The following HLA-DRB1 variants were observed in gnomAD, a reference collection of about 807,000 sequenced individuals.
HLA-DRB1 encodes major histocompatibility complex, class II, DR beta 1, also known as major histocompatibility complex, class II, DR beta 1 precursor.
Under a neutral mutation model 27.9 loss-of-function variants are expected in HLA-DRB1, and 10 were observed. The ratio of observed to expected loss-of-function variants is 0.36; its 90% confidence interval spans 0.22 to 0.61. HLA-DRB1 has a LOEUF of 0.61. Among genes scored for constraint, HLA-DRB1 ranks in the 20% least tolerant of loss-of-function variants. The pLI, the probability that HLA-DRB1 is intolerant of heterozygous loss-of-function variation, is 0.73. For synonymous variants in HLA-DRB1, 57 were observed against 126.7 expected, an observed-to-expected ratio of 0.45 and a Z score of 3.69; for missense variants, 118 against 306.3, an observed-to-expected ratio of 0.39 and a Z score of 4.59.
In HLA-DRB1 at chr6:32,581,307, AC is replaced by A. The variant is rs1775440827; in HGVS notation, c.652+249del. Among the ~76,000 whole-genome samples the A allele has an allele frequency of 2.5e-5, 2 of 81,138 alleles. 1 individual carries two copies. Among genetic ancestry groups the A allele is most frequent in the Non-Finnish European group, 5.1e-5 (2 of 39,510 alleles). The allele number at this position is 81,138 out of a possible 152,430, so 53.2% of individuals were successfully genotyped here. On this transcript the variant is annotated intron_variant, in intron 3 of 5. Coordinates refer to ENST00000360004, the Ensembl canonical transcript of HLA-DRB1. The stretch of plus-strand genomic sequence containing the variant: ...GAGCCTGGGAGAGTGGGTGACCCTG[AC>A]CTGCAAAATCATGGGGAGGTTCAAA...
At chr6:32,583,859 C>T (rs36061251) in intron 2 of HLA-DRB1, among the ~76,000 whole-genome samples, 2,622 of 37,698 alleles carry the variant, frequency 0.07, 126 homozygotes, top group East Asian at 0.11. Flanking sequence ...CCCCTCCTGC[C>T]TCCCCTCCCA....
At chr6:32,581,103 C>T (rs371129656) in intron 3 of HLA-DRB1, among the ~76,000 whole-genome samples, 988 of 88,692 alleles carry the variant, frequency 0.011, 80 homozygotes, top group South Asian at 0.034. Context: ...CACAGAAAGC[C>T]TGAGACTCAA....
At position 32,581,760 on chromosome 6, in the gene HLA-DRB1, C is replaced by A; in HGVS notation, c.449G>T (p.Gly150Val). The change falls in exon 3 of 6, where the codon GGT becomes GTT. Residue 150 changes from glycine to valine, a missense_variant. Around this residue, in one of 5 missense-constraint regions of HLA-DRB1, gnomAD observed 24 missense variants for 114.5 expected, o/e 0.21. Coordinates refer to ENST00000360004, the Ensembl canonical transcript of HLA-DRB1. ...GACTTCAATGCTGCCTGGATAGAAACCACTCACAGAGCAGACCAGGAGGTT... is the reference window on the plus strand; with the variant it reads ...GACTTCAATGCTGCCTGGATAGAAAACACTCACAGAGCAGACCAGGAGGTT... 1.3e-6 allele frequency: 2 copies of A among 1,553,260 alleles called. 1 individual carries two copies. The highest frequency in any genetic ancestry group is 4.6e-5 in the East Asian group (2 of 43,154).
At chr6:32,580,929 AGCTTTGAAAATGGGGCAGAAAGCTG>A in intron 3 of HLA-DRB1, 73 bp from the exon 4 acceptor site, 1 of 1,081,212 alleles carries the variant, frequency 9.2e-7, no homozygotes, top group Non-Finnish European at 1.3e-6. Context: ...TAAGATTTAG[AGCTTTGAAAATGGGGCAGAAAGCTG>A]CCTCACAAGA....
intron 2 of HLA-DRB1, among the ~76,000 whole-genome samples, chr6:32,582,089 C>G (rs9269827): frequency 0.61 from 54,194 of 88,310 alleles, 19,543 homozygotes; most frequent in Middle Eastern, 0.74. Context: ...CATTGTCAAA[C>G]TGTTTACAAA....
Position 32,581,244 on chromosome 6 carries a change from C to T in HLA-DRB1, c.652+313G>A, listed in dbSNP as rs34381658. Among the ~76,000 whole-genome samples, 833 of 85,896 alleles carry T rather than the reference C, an allele frequency of 9.7e-3. 1 individual carries two copies. The highest frequency in any genetic ancestry group is 0.017 in the Admixed American group (112 of 6,518). The allele number at this position is 85,896 out of a possible 152,430, so 56.4% of individuals were successfully genotyped here. On this transcript the variant is annotated intron_variant, in intron 3 of 5. Transcript: ENST00000360004. ...CACAAAAAATAACTCAGAGCAACAG[C>T]ACCAGAAACTCAGTCTCAGACCCAG...
At chr6:32,586,213 T>G (rs1254010252) in intron 1 of HLA-DRB1, among the ~76,000 whole-genome samples, 1 of 79,506 alleles carries the variant, frequency 1.3e-5, no homozygotes, top group African/African-American at 4.6e-5. Flanking sequence ...AGCCTTTTCC[T>G]TTAGGTTCAG....
intron 2 of HLA-DRB1, among the ~76,000 whole-genome samples, chr6:32,582,690 T>A (rs41293549): frequency 1.3e-5 from 1 of 78,216 alleles, no homozygotes; most frequent in African/African-American, 5.4e-5. Flanking sequence ...TATTTACATT[T>A]AGCTGATCAA....
Position 32,588,562 on chromosome 6 carries a change from T to TG in HLA-DRB1, c.100+1080dup, listed in dbSNP as rs41288212. Among the ~76,000 whole-genome samples the TG allele has an allele frequency of 2.8e-3, 150 of 53,178 alleles. 2 individuals are homozygous for TG. Among genetic ancestry groups the TG allele is most frequent in the Middle Eastern group, 0.016 (1 of 64 alleles). The allele number at this position is 53,178 out of a possible 152,430, so 34.9% of individuals were successfully genotyped here. A position where few individuals can be genotyped will look rare whatever the true frequency, so the allele number is the denominator to read the frequency against. On this transcript the variant is annotated intron_variant, in intron 1 of 5. Transcript: ENST00000360004. ...AACATAGCTGGGGAAAAATAGAAAC[T>TG]GGAGGAAGAGGTAAGCAGACATGGC...
intron 1 of HLA-DRB1, among the ~76,000 whole-genome samples, chr6:32,585,925 C>G (rs1776316590): frequency 8.2e-6 from 1 of 122,350 alleles, no homozygotes; most frequent in African/African-American, 3.1e-5. Context: ...ATTCATAGGC[C>G]TGATACACAG....
intron 3 of HLA-DRB1, among the ~76,000 whole-genome samples, 153 bp downstream of exon 3, chr6:32,581,400 ACACC>A (rs1338902346): frequency 0.047 from 3,253 of 68,688 alleles, no homozygotes; most frequent in Middle Eastern, 0.077. Flanking sequence ...GTTTCTAGAA[ACACC>A]TACAGGGCTA....
rs1489808324 is a variant in HLA-DRB1, at chr6:32,583,985, TC to T, written c.370+123del. 2.6e-4 allele frequency: 76 copies of T among 287,028 alleles called. 29 individuals carry two copies. Among genetic ancestry groups the T allele is most frequent in the Admixed American group, 1.1e-3 (8 of 7,582 alleles). The allele number at this position is 287,028 out of a possible 1,614,324, so 17.8% of individuals were successfully genotyped here. ...GCTCACAGATGGCGCTCTCTCTCTC[TC>T]TTCCTCTCTCTGTCTCTCTCTGTCT... On this transcript the variant is annotated intron_variant, in intron 2 of 5. Coordinates refer to ENST00000360004, the Ensembl canonical transcript of HLA-DRB1.
chr6:32,584,233 C>A, exon 2 of HLA-DRB1: 1 of 1,480,100 alleles, frequency 6.8e-7, no homozygotes, highest in South Asian at 1.2e-5. Flanking sequence ...CAGGCCGCCC[C>A]AGCTCCGTCA....
At chr6:32,586,133 C>T (rs9270058) in intron 1 of HLA-DRB1, among the ~76,000 whole-genome samples, 14,928 of 129,714 alleles carry the variant, frequency 0.12, 1,609 homozygotes, top group Non-Finnish European at 0.13. Context: ...AGGGGCTCTC[C>T]GTATTTCCTC....
chr6:32,585,833 C>A (rs35087958), intron 1 of HLA-DRB1, among the ~76,000 whole-genome samples: 1 of 139,814 alleles, frequency 7.2e-6, no homozygotes, highest in African/African-American at 2.8e-5. Context: ...TACTTATAAC[C>A]TCTCAATTTT....
chr6:32,580,964 A>C (rs1775370376), intron 3 of HLA-DRB1, 108 bp from the exon 4 acceptor site: 6 of 704,652 alleles, frequency 8.5e-6, no homozygotes, highest in African/African-American at 4.2e-5. Context: ...GCCTCACAAG[A>C]ACTAAAATAA....
At chr6:32,588,143 GGA>G (rs1776782519) in intron 1 of HLA-DRB1, among the ~76,000 whole-genome samples, 2 of 119,318 alleles carry the variant, frequency 1.7e-5, no homozygotes, top group African/African-American at 6.2e-5. Context: ...TTAAGAAAAA[GGA>G]AATTTTTTTA....
Position 32,584,360 on chromosome 6 carries a change from G to GAGTA in HLA-DRB1, c.118_119insTACT (p.Pro40LeufsTer3). On this transcript the variant is annotated frameshift_variant, in exon 2 of 6. Coordinates refer to ENST00000360004, the Ensembl canonical transcript of HLA-DRB1. LOFTEE classifies it high-confidence loss of function. The stretch of plus-strand genomic sequence containing the variant: ...ATTGAAGAAATGACACTCCCTCTTA[G>GAGTA]GCTGCCACAGGAAACGTGCTGTGGG... The GAGTA allele has an allele frequency of 1.4e-5, 11 of 774,654 alleles. No individual in the cohort carries two copies. The highest frequency in any genetic ancestry group is 4.7e-5 in the African/African-American group (2 of 42,246). 48.0% of individuals were successfully genotyped at this position (774,654 alleles called of 1,614,324 possible).
At chr6:32,582,112 C>T (rs72850247) in intron 2 of HLA-DRB1, among the ~76,000 whole-genome samples, 16,162 of 61,972 alleles carry the variant, frequency 0.26, 2,999 homozygotes, top group Admixed American at 0.31. Context: ...TTGGAAAGTA[C>T]AGAGTGTAGT....
Sources: gnomAD v4.1 joint callset for allele counts (sites outside exome capture counted in the v4.1 genomes callset) on GRCh38, gnomAD v4.1.1 for gene constraint, gnomAD v4.1.1 regional missense constraint, MANE v1.5 for transcripts, NCBI Gene and HGNC (gene_info 2026-07-23, HGNC 2026-07-21) for gene names.